Variants in RBFOX1 observed in about 807,000 individuals in gnomAD.
The protein encoded by RBFOX1 is RNA binding fox-1 homolog 1.
Under a neutral mutation model 57.7 loss-of-function variants are expected in RBFOX1, and 8 were observed. The ratio of observed to expected loss-of-function variants is 0.14; its 90% CI spans 0.08 to 0.25. The LOEUF (loss-of-function observed/expected upper bound fraction) is 0.25, where lower values mean the gene tolerates loss of function less well. RBFOX1 is among the 10% of genes least tolerant of loss of function. The probability of loss-of-function intolerance (pLI) is 1.00; values close to 1 mark genes in which losing one functional copy is unlikely to be tolerated. For missense variants in RBFOX1, 611 were observed against 548.5 expected, an observed-to-expected ratio of 1.11 and a Z score of -1.14; for synonymous variants, 326 against 222.4, an observed-to-expected ratio of 1.47 and a Z score of -4.15.
At chr16:5,291,202 G>C (rs1402992684) in intron 1 of RBFOX1, among the ~76,000 whole-genome samples, 1 of 151,876 alleles carries the variant, frequency 6.6e-6, no homozygotes, top group Admixed American at 6.6e-5. Flanking sequence ...GAAATAAAGG[G>C]CTGATGTAGG....
chr16:7,437,648 C>G (rs1353813870), intron 4 of RBFOX1, among the ~76,000 whole-genome samples: 1 of 152,118 alleles, frequency 6.6e-6, no homozygotes, highest in Admixed American at 6.5e-5. Context: ...TAAGTCAAAT[C>G]AGTTGGAAAC....
chr16:7,017,631 T>C (rs931709982), intron 3 of RBFOX1, among the ~76,000 whole-genome samples: 8 of 152,148 alleles, frequency 5.3e-5, no homozygotes, highest in African/African-American at 1.9e-4. Context: ...CAGGTTGAAA[T>C]GAGTGTTGCT....
At chr16:5,241,945 A>C (rs572418500) in intron 1 of RBFOX1, among the ~76,000 whole-genome samples, 1 of 152,128 alleles carries the variant, frequency 6.6e-6, no homozygotes, top group East Asian at 1.9e-4. Flanking sequence ...TACCAAAAAA[A>C]AAAATAATAA....
At chr16:6,639,146 A>G (rs1156777780) in intron 2 of RBFOX1, among the ~76,000 whole-genome samples, 1 of 152,210 alleles carries the variant, frequency 6.6e-6, no homozygotes, top group Non-Finnish European at 1.5e-5. Flanking sequence ...CATAAGAATG[A>G]TAAATTTTTT....
Position 5,766,524 on chromosome 16 carries a change from G to A in RBFOX1, c.319-100779G>A, listed in dbSNP as rs527728377. ...TGCTTGAATCCGGGAGGCAGAGGTT[G>A]CAGTGAGCCGAGATCACATCACTGT... On this transcript the variant is annotated intron_variant, in intron 3 of 19. Coordinates refer to the RBFOX1 transcript ENST00000641259. Among the ~76,000 whole-genome samples, 18 of 152,310 alleles carry A rather than the reference G, an allele frequency of 1.2e-4. 1 individual carries two copies. In the East Asian group the frequency reaches 3.3e-3, roughly 28 times the overall value.
intron 3 of RBFOX1, among the ~76,000 whole-genome samples, chr16:6,882,976 T>C (rs954447235): frequency 2.0e-5 from 3 of 152,170 alleles, no homozygotes; most frequent in Admixed American, 6.5e-5. Context: ...TAAATTGCCA[T>C]TTCTAAAGGT....
intron 2 of RBFOX1, among the ~76,000 whole-genome samples, chr16:6,597,744 A>G (rs2097791560): frequency 6.6e-6 from 1 of 152,182 alleles, no homozygotes; most frequent in Non-Finnish European, 1.5e-5. Context: ...AGTCCACAGG[A>G]AAGGTAGCCA....
At chr16:6,343,292 A>G (rs2084852101) in intron 2 of RBFOX1, among the ~76,000 whole-genome samples, 1 of 152,098 alleles carries the variant, frequency 6.6e-6, no homozygotes, top group African/African-American at 2.4e-5. Flanking sequence ...GTCTTCCCCT[A>G]CCCTGGTGGT....
At chr16:5,951,551 G>A (rs371870844) in intron 4 of RBFOX1, among the ~76,000 whole-genome samples, 9 of 152,070 alleles carry the variant, frequency 5.9e-5, no homozygotes, top group African/African-American at 1.9e-4. Context: ...CTGGTTGATG[G>A]AGTGTATTTT....
intron 3 of RBFOX1, among the ~76,000 whole-genome samples, chr16:7,029,109 C>T (rs373212972): frequency 0.027 from 1,648 of 61,744 alleles, 231 homozygotes; most frequent in East Asian, 0.067. Context: ...CACACACACA[C>T]ACACACACAC....
intron 1 of RBFOX1, among the ~76,000 whole-genome samples, chr16:5,314,260 C>T (rs1293004115): frequency 6.6e-6 from 1 of 152,096 alleles, no homozygotes; most frequent in Admixed American, 6.5e-5. Context: ...TATTGCAGAC[C>T]CAACAGATAA....
At chr16:6,118,384 G>A (rs1804612809) in intron 1 of RBFOX1, among the ~76,000 whole-genome samples, 4 of 152,112 alleles carry the variant, frequency 2.6e-5, no homozygotes, top group Admixed American at 2.6e-4. Flanking sequence ...TATGGAGGAT[G>A]GAAAGTCCAA....
At chr16:5,975,335 C>T (rs1023092032) in intron 4 of RBFOX1, among the ~76,000 whole-genome samples, 3 of 152,180 alleles carry the variant, frequency 2.0e-5, no homozygotes, top group African/African-American at 7.2e-5. Context: ...AGCCTTCGTC[C>T]ATATCATTAG....
chr16:7,242,147 C>T lies in RBFOX1; in HGVS notation c.27+190049C>T, dbSNP rs28502571. Among the ~76,000 whole-genome samples, 574 of 152,188 alleles carry T rather than the reference C, an allele frequency of 3.8e-3. 4 individuals carry two copies. The highest frequency in any genetic ancestry group is 0.013 in the African/African-American group (532 of 41,540). ...CCCTGCTTATTGCTTGGCACACATG[C>T]GCACAGAGAAACCCATATATGTGTA... On this transcript the variant is annotated intron_variant, in intron 4 of 15. Transcript: ENST00000550418.
At chr16:7,463,010 G>A (rs1316899193) in intron 4 of RBFOX1, among the ~76,000 whole-genome samples, 1 of 152,140 alleles carries the variant, frequency 6.6e-6, no homozygotes, top group Non-Finnish European at 1.5e-5. Flanking sequence ...TGCTTGGGCT[G>A]CCATAACTAA....
At chr16:6,310,455 T>C (rs2080116254) in intron 1 of RBFOX1, among the ~76,000 whole-genome samples, 1 of 152,240 alleles carries the variant, frequency 6.6e-6, no homozygotes, top group Admixed American at 6.5e-5. Context: ...GGCGTAGCGC[T>C]TGGCTGTTTG....
intron 14 of RBFOX1, among the ~76,000 whole-genome samples, chr16:7,698,275 G>C (rs2079466900): frequency 6.6e-6 from 1 of 151,788 alleles, no homozygotes; most frequent in Non-Finnish European, 1.5e-5. Context: ...CTTCCACCAT[G>C]CCAGGACCCA....
chr16:5,823,049 A>G (rs902139281), intron 3 of RBFOX1, among the ~76,000 whole-genome samples: 2 of 152,130 alleles, frequency 1.3e-5, no homozygotes, highest in Non-Finnish European at 2.9e-5. Flanking sequence ...TAAAATTAGT[A>G]ATGCTATTGG....
intron 4 of RBFOX1, among the ~76,000 whole-genome samples, chr16:5,991,150 C>G (rs138609356): frequency 2.8e-4 from 43 of 152,274 alleles, no homozygotes; most frequent in African/African-American, 9.9e-4. Flanking sequence ...TGGGGGGTGA[C>G]TGTAGGGTTA....
Sources: allele counts gnomAD v4.1 joint callset (sites outside exome capture counted in the v4.1 genomes callset), GRCh38; gene constraint gnomAD v4.1.1; transcripts MANE v1.5; gene names NCBI Gene and HGNC (gene_info 2026-07-23, HGNC 2026-07-21).